Variants in ARID3B observed in about 807,000 individuals in gnomAD.
ARID3B encodes AT-rich interaction domain 3B.
Under a neutral mutation model 51.9 loss-of-function variants are expected in ARID3B, and 10 were observed. That is an observed-to-expected ratio of 0.19 (90% CI 0.12 to 0.33). ARID3B has a LOEUF of 0.33. Ranked by LOEUF, ARID3B falls within the 10% of genes least tolerant of loss-of-function variation. The pLI, the probability that ARID3B is intolerant of heterozygous loss-of-function variation, is 1.00. For synonymous variants in ARID3B, 205 were observed against 279.5 expected, an observed-to-expected ratio of 0.73 and a Z score of 2.66; for missense variants, 483 against 716.3, an observed-to-expected ratio of 0.67 and a Z score of 3.72.
At chr15:74,574,292 G>A (rs1057450497) in intron 4 of ARID3B, 4 of 152,356 alleles carry the variant, frequency 2.6e-5, no homozygotes, top group Non-Finnish European at 4.4e-5. Flanking sequence ...CTCCACCTTC[G>A]TCACCCTCAG....
Position 74,572,598 on chromosome 15 carries a change from C to T in ARID3B, c.553-264C>T, listed in dbSNP as rs906890848. Among the ~76,000 whole-genome samples, 11 of 152,140 alleles carry T rather than the reference C, an allele frequency of 7.2e-5. No individual in the cohort carries two copies. In the East Asian group the frequency reaches 1.3e-3, roughly 19 times the overall value. ...GATTATCAAGTATAAATGACACCCA[C>T]GACACCTACCCTTCTCCAACAAATG... On this transcript the variant is annotated intron_variant, in intron 2 of 8. Coordinates refer to ENST00000346246, the MANE Select transcript of ARID3B (RefSeq NM_006465.4).
intron 4 of ARID3B, among the ~76,000 whole-genome samples, chr15:74,586,258 C>G (rs144192970): frequency 1.3e-5 from 2 of 152,238 alleles, no homozygotes; most frequent in African/African-American, 4.8e-5. Flanking sequence ...GAAGAGTACA[C>G]TTTCCCCTCT....
At chr15:74,569,493 A>G (rs1039313750) in intron 2 of ARID3B, among the ~76,000 whole-genome samples, 4 of 152,188 alleles carry the variant, frequency 2.6e-5, no homozygotes, top group African/African-American at 9.6e-5. Flanking sequence ...AGGCTGACGC[A>G]GGAGAATCGC....
rs575332641 is a variant in ARID3B, at chr15:74,583,525, C to CT, written c.698-6294dup. ...CTGTGGTGAGGAGTTTGAGACCAGC[C>CT]TGGCCAAATGGTGAAACCCTGTCTC... On this transcript the variant is annotated intron_variant, in intron 4 of 8. Coordinates refer to ENST00000346246, the MANE Select transcript of ARID3B (RefSeq NM_006465.4). Among the ~76,000 whole-genome samples, 511 of 151,974 alleles carry CT rather than the reference C, an allele frequency of 3.4e-3. 3 individuals are homozygous for CT. Among genetic ancestry groups the CT allele is most frequent in the African/African-American group, 0.011 (469 of 41,442 alleles).
intron 4 of ARID3B, among the ~76,000 whole-genome samples, chr15:74,582,912 A>G (rs893143951): frequency 1.3e-5 from 2 of 152,214 alleles, no homozygotes; most frequent in Admixed American, 1.3e-4. Context: ...GTTATGAACT[A>G]GCCGGGTACG....
chr15:74,595,557 G>C, intron 8 of ARID3B, 54 bp from the exon 9 acceptor site: 1 of 1,578,334 alleles, frequency 6.3e-7, no homozygotes, highest in Non-Finnish European at 8.6e-7. Flanking sequence ...AAAGGAGCTG[G>C]CCCTCCCCTT....
At chr15:74,560,013 G>T (rs2061673307) in intron 2 of ARID3B, among the ~76,000 whole-genome samples, 1 of 1,962 alleles carries the variant, frequency 5.1e-4, no homozygotes. Context: ...AGGCAACATG[G>T]CGAAACCCTG....
intron 2 of ARID3B, among the ~76,000 whole-genome samples, chr15:74,552,142 A>G (rs188024868): frequency 2.0e-3 from 278 of 136,912 alleles, no homozygotes; most frequent in Non-Finnish European, 3.7e-3. Context: ...GCTCACTGCA[A>G]TCTCCGCCTC....
chr15:74,574,915 T>C (rs759536176), intron 4 of ARID3B: 2 of 151,558 alleles, frequency 1.3e-5, no homozygotes, highest in Non-Finnish European at 2.9e-5. Flanking sequence ...GGCAGGAGAA[T>C]TGCTTGAACT....
chr15:74,590,097 GT>G, intron 5 of ARID3B, 94 bp downstream of exon 5: 1 of 1,374,850 alleles, frequency 7.3e-7, no homozygotes, highest in Non-Finnish European at 9.7e-7. Context: ...CCTTTGTATG[GT>G]TAGCAAGATG....
chr15:74,595,336 C>T (rs2061820317), intron 8 of ARID3B, among the ~76,000 whole-genome samples: 1 of 152,208 alleles, frequency 6.6e-6, no homozygotes. Flanking sequence ...CCACACCTGG[C>T]CTTGGTGTTC....
At chr15:74,553,750 A>T (rs1567116826) in intron 2 of ARID3B, among the ~76,000 whole-genome samples, 1 of 152,092 alleles carries the variant, frequency 6.6e-6, no homozygotes, top group Non-Finnish European at 1.5e-5. Context: ...TATAAGGATT[A>T]GTGATACATT....
Position 74,572,742 on chromosome 15 carries a change from G to T in ARID3B, c.553-120G>T. 4.4e-6 allele frequency: 4 copies of T among 912,712 alleles called. No individual in the cohort carries two copies. The South Asian group carries it at 5.5e-5, about 13-fold the overall frequency. The allele number at this position is 912,712 out of a possible 1,614,324, so 56.5% of individuals were successfully genotyped here. On this transcript the variant is annotated intron_variant, in intron 2 of 8. Transcript: ENST00000346246. The stretch of plus-strand genomic sequence containing the variant: ...TCTTCTGAGTTGTCTTTTATAGTAT[G>T]AGTGAGGATAGCACAATTGCTAAGC...
intron 4 of ARID3B, among the ~76,000 whole-genome samples, chr15:74,582,371 CT>C (rs1435226023): frequency 9.9e-5 from 15 of 152,060 alleles, no homozygotes; most frequent in Non-Finnish European, 1.5e-4. Flanking sequence ...TGTCACCATG[CT>C]GGACAGGCTG....
intron 2 of ARID3B, among the ~76,000 whole-genome samples, chr15:74,554,188 A>G (rs2061648199): frequency 6.6e-6 from 1 of 151,318 alleles, no homozygotes; most frequent in Non-Finnish European, 1.5e-5. Context: ...TTGTATTTTT[A>G]GTAGAGAACG....
chr15:74,593,786 A>G (rs2061813043), intron 8 of ARID3B, among the ~76,000 whole-genome samples: 1 of 152,150 alleles, frequency 6.6e-6, no homozygotes, highest in South Asian at 2.1e-4. Context: ...GATGCCTGTA[A>G]TCCTTGCACT....
At chr15:74,586,952 G>A (rs1297472683) in intron 4 of ARID3B, among the ~76,000 whole-genome samples, 2 of 152,218 alleles carry the variant, frequency 1.3e-5, no homozygotes, top group African/African-American at 4.8e-5. Context: ...AGAACACTGT[G>A]AAGGATTTGA....
chr15:74,549,499 G>A lies in ARID3B; in HGVS notation c.552+5011G>A, dbSNP rs191553532. ...GGAAAATCACTTGAACCTGGGAGGCGAAGGTTGCAGTGAGTCGATATCATG... is the reference window on the plus strand; with the variant it reads ...GGAAAATCACTTGAACCTGGGAGGCAAAGGTTGCAGTGAGTCGATATCATG... On this transcript the variant is annotated intron_variant, in intron 2 of 8. Coordinates refer to ENST00000346246, the MANE Select transcript of ARID3B (RefSeq NM_006465.4). Among the ~76,000 whole-genome samples, 67 of 151,580 alleles carry A rather than the reference G, an allele frequency of 4.4e-4. No individual in the cohort carries two copies. In the East Asian group the frequency reaches 9.4e-3, roughly 21 times the overall value.
chr15:74,554,229 G>C (rs757531157), intron 2 of ARID3B, among the ~76,000 whole-genome samples: 1 of 151,810 alleles, frequency 6.6e-6, no homozygotes, highest in South Asian at 2.1e-4. Flanking sequence ...GGCTGGTCTC[G>C]ATCTCCTGAC....
Sources: gnomAD v4.1 joint callset for allele counts (sites outside exome capture counted in the v4.1 genomes callset) on GRCh38, gnomAD v4.1.1 for gene constraint, MANE v1.5 for transcripts, NCBI Gene and HGNC (gene_info 2026-07-23, HGNC 2026-07-21) for gene names.